PDE8B: variants seen among roughly 807,000 people sequenced by gnomAD.
PDE8B encodes the protein phosphodiesterase 8B.
PDE8B carries 26 observed loss-of-function variants against 101.3 expected under a neutral mutation model. The observed-to-expected ratio is 0.26, with a 90% CI of 0.19 to 0.36. PDE8B has a LOEUF of 0.36. Among genes scored for constraint, PDE8B ranks in the 10% least tolerant of loss-of-function variants. PDE8B has a pLI of 1.00. For missense variants in PDE8B, 810 were observed against 1,163.1 expected (o/e 0.70, Z 4.42); for synonymous variants, 424 against 429.3 (o/e 0.99, Z 0.15).
At chr5:77,308,950 G>T (rs1455794152) in intron 1 of PDE8B, among the ~76,000 whole-genome samples, 1 of 151,970 alleles carries the variant, frequency 6.6e-6, no homozygotes, top group South Asian at 2.1e-4. Context: ...AGGCCGAGGC[G>T]GGCAGATCAC....
the PDE8B span, among the ~76,000 whole-genome samples, chr5:77,153,300 T>C: frequency 6.6e-6 from 1 of 152,244 alleles, no homozygotes; most frequent in East Asian, 1.9e-4. Context: ...TGGACAAATA[T>C]GCTGAACTTC....
chr5:77,139,314 A>G, the PDE8B span: 5 of 152,244 alleles, frequency 3.3e-5, no homozygotes, highest in African/African-American at 1.2e-4. Flanking sequence ...ATGACTACCA[A>G]TGTGTGAGTA....
At chr5:77,242,377 A>G (rs143186695) in intron 1 of PDE8B, among the ~76,000 whole-genome samples, 4 of 152,376 alleles carry the variant, frequency 2.6e-5, no homozygotes, top group Admixed American at 6.5e-5. Context: ...AACATATTTC[A>G]TCTACATCAG....
the PDE8B span, among the ~76,000 whole-genome samples, chr5:77,096,685 A>G: frequency 2.6e-5 from 4 of 152,174 alleles, no homozygotes; most frequent in African/African-American, 7.2e-5. Context: ...TGGAGGGGAC[A>G]AAAACATTTA....
chr5:77,192,633 A>T, the PDE8B span, among the ~76,000 whole-genome samples: 1 of 152,202 alleles, frequency 6.6e-6, no homozygotes, highest in South Asian at 2.1e-4. Flanking sequence ...GCTACTATGA[A>T]CGTCCATAGA....
intron 2 of PDE8B, among the ~76,000 whole-genome samples, chr5:77,320,043 G>C (rs1774683475): frequency 6.6e-6 from 1 of 151,818 alleles, no homozygotes. Flanking sequence ...CCAAGAATAA[G>C]AAAATTTTCA....
At chr5:77,258,818 A>G (rs1039607213) in intron 1 of PDE8B, among the ~76,000 whole-genome samples, 1 of 152,076 alleles carries the variant, frequency 6.6e-6, no homozygotes, top group African/African-American at 2.4e-5. Flanking sequence ...GGAAATTGCA[A>G]CAGGGAAGAG....
the PDE8B span, among the ~76,000 whole-genome samples, chr5:77,124,964 C>T: frequency 6.6e-6 from 1 of 152,118 alleles, no homozygotes; most frequent in Non-Finnish European, 1.5e-5. Context: ...ATTCTTCACA[C>T]CTGTTAGGAT....
chr5:77,165,434 T>G, the PDE8B span: 1 of 152,204 alleles, frequency 6.6e-6, no homozygotes, highest in Admixed American at 6.5e-5. Flanking sequence ...GCTGAGTGTG[T>G]GGGTGGAACA....
At chr5:77,269,358 A>T (rs1457779872) in intron 1 of PDE8B, among the ~76,000 whole-genome samples, 3 of 152,204 alleles carry the variant, frequency 2.0e-5, no homozygotes, top group Non-Finnish European at 4.4e-5. Context: ...TGAGCTCCTT[A>T]TATATTTTGG....
intron 1 of PDE8B, among the ~76,000 whole-genome samples, chr5:77,281,782 G>GTATT (rs1458362572): frequency 6.6e-6 from 1 of 152,108 alleles, no homozygotes; most frequent in Admixed American, 6.5e-5. Context: ...TCTTTGGAGG[G>GTATT]TATTATTCAG....
chr5:77,115,536 G>A, the PDE8B span, among the ~76,000 whole-genome samples: 2 of 152,250 alleles, frequency 1.3e-5, no homozygotes, highest in Non-Finnish European at 2.9e-5. Context: ...AGAATGAATA[G>A]GAGTTTTCAG....
chr5:77,326,934 T>C (rs1776160333), intron 3 of PDE8B, among the ~76,000 whole-genome samples: 1 of 152,380 alleles, frequency 6.6e-6, no homozygotes, highest in African/African-American at 2.4e-5. Context: ...AGGCCCAGTT[T>C]AGCAGATAAG....
chr5:77,181,007 C>G, the PDE8B span, among the ~76,000 whole-genome samples: 1 of 144,608 alleles, frequency 6.9e-6, no homozygotes, highest in Non-Finnish European at 1.5e-5. Flanking sequence ...TGTGTTTGCG[C>G]GCGCACCTCA....
chr5:77,421,031 T>C (rs2151183230), intron 19 of PDE8B, among the ~76,000 whole-genome samples: 1 of 152,320 alleles, frequency 6.6e-6, no homozygotes, highest in Middle Eastern at 3.4e-3. Flanking sequence ...TCTTTAAAAG[T>C]GGAGAATAAC....
the PDE8B span, among the ~76,000 whole-genome samples, chr5:77,189,430 G>C: frequency 2.6e-5 from 4 of 152,172 alleles, no homozygotes; most frequent in Non-Finnish European, 5.9e-5. Context: ...AAGCAGGAAA[G>C]AGCAATAATA....
chr5:77,095,116 G>A, the PDE8B span, among the ~76,000 whole-genome samples: 1 of 152,206 alleles, frequency 6.6e-6, no homozygotes, highest in Admixed American at 6.5e-5. Context: ...GGAATGAGCA[G>A]GAGCATTATT....
intron 13 of PDE8B, among the ~76,000 whole-genome samples, chr5:77,407,910 T>C (rs775230730): frequency 6.6e-6 from 1 of 152,158 alleles, no homozygotes; most frequent in Non-Finnish European, 1.5e-5. Context: ...ATGTAGGTTG[T>C]ACAGGGCTCA....
chr5:77,133,019 T>C, the PDE8B span, among the ~76,000 whole-genome samples: 1 of 152,232 alleles, frequency 6.6e-6, no homozygotes, highest in African/African-American at 2.4e-5. Flanking sequence ...ATCCTTTGTA[T>C]CTGATGACTT....
Sources: allele counts gnomAD v4.1 joint callset (sites outside exome capture counted in the v4.1 genomes callset), GRCh38; gene constraint gnomAD v4.1.1; transcripts MANE v1.5; gene names NCBI Gene and HGNC (gene_info 2026-07-23, HGNC 2026-07-21).